TRIM66: variants seen among roughly 807,000 people sequenced by gnomAD.
TRIM66 encodes tripartite motif containing 66, also known as tripartite motif-containing protein 66.
In TRIM66, 99 loss-of-function variants were observed where a neutral mutation model predicts 148.2. The observed-to-expected ratio is 0.67, with a 90% CI of 0.57 to 0.79. TRIM66 has a LOEUF of 0.79. Ranked by LOEUF, TRIM66 falls within the 30% of genes least tolerant of loss-of-function variation. The pLI, the probability that TRIM66 is intolerant of heterozygous loss-of-function variation, is 0.00. For missense variants in TRIM66, 1,666 were observed against 1,697.9 expected (o/e 0.98, Z 0.33); for synonymous variants, 616 against 635.9 (o/e 0.97, Z 0.47).
At chr11:8,635,171 G>C (rs1465713440) in intron 15 of TRIM66, among the ~76,000 whole-genome samples, 4 of 152,164 alleles carry the variant, frequency 2.6e-5, no homozygotes, top group African/African-American at 9.7e-5. Flanking sequence ...AGCTGTCAAG[G>C]ACCCGTGGTC....
chr11:8,680,100 T>G (rs1040524826), intron 1 of TRIM66, 37 bp from the exon 2 acceptor site: 1 of 152,140 alleles, frequency 6.6e-6, no homozygotes, highest in Non-Finnish European at 1.5e-5. Flanking sequence ...GCCTTAAAGG[T>G]TGAGGAAGAT....
intron 6 of TRIM66, among the ~76,000 whole-genome samples, chr11:8,661,283 G>A (rs1021433760): frequency 6.6e-6 from 1 of 152,210 alleles, no homozygotes; most frequent in Non-Finnish European, 1.5e-5. Context: ...ATGGATGCAC[G>A]ATCCACAGCC....
Position 8,638,782 on chromosome 11 carries a change from T to C in TRIM66, c.2182A>G (p.Lys728Glu), listed in dbSNP as rs1475086823. The C allele has an allele frequency of 3.2e-6, 5 of 1,551,316 alleles. No homozygotes were observed. The highest frequency in any genetic ancestry group is 1.2e-5 in the South Asian group (1 of 84,046). Reference protein sequence around the residue: ...TDEPPASQGSKPALPLDKNTA... With the variant: ...TDEPPASQGSEPALPLDKNTA... ...TTCTTGTCAAGAGGGAGAGCCGGCT[T>C]TGAGCCCTGAGATGCTGGGGGCTCA... is the stretch of plus-strand genomic sequence containing the variant. The change falls in exon 15 of 25, where the codon AAG (lysine) becomes GAG (glutamate). Residue 728 changes from lysine (K) to glutamate (E), a missense_variant. Transcript: ENST00000646038.
rs2036106794 is a variant in TRIM66, at chr11:8,638,687, G to A, written c.2277C>T (p.Thr759=). The A allele has an allele frequency of 1.3e-6, 2 of 1,549,356 alleles. No homozygotes were observed. The highest frequency in any genetic ancestry group is 1.7e-6 in the Non-Finnish European group (2 of 1,146,196). ...CCACATTTGGAGAGGAGTGCTGGAT[G>A]GTGCTGTCCACTGGGGGGACACTGA... The part of the protein sequence containing the change: ...TPLSVPPVDS[T]IQHSSPNVVR... Residue 759 remains threonine, a synonymous_variant, in exon 15 of 25, where the codon ACC becomes ACT. Transcript: ENST00000646038.
intron 12 of TRIM66, among the ~76,000 whole-genome samples, 153 bp from the exon 13 acceptor site, chr11:8,643,279 C>A (rs1262657836): frequency 6.6e-6 from 1 of 151,994 alleles, no homozygotes; most frequent in African/African-American, 2.4e-5. Context: ...CACCTTAGCA[C>A]CTGTCCATCC....
At chr11:8,639,695 A>G (rs768288427) in intron 14 of TRIM66, among the ~76,000 whole-genome samples, 1 of 152,246 alleles carries the variant, frequency 6.6e-6, no homozygotes, top group Non-Finnish European at 1.5e-5. Flanking sequence ...GATAAATGAT[A>G]TGGTGCATAT....
chr11:8,641,619 C>T (rs111948629), intron 13 of TRIM66, among the ~76,000 whole-genome samples: 16 of 152,152 alleles, frequency 1.1e-4, no homozygotes, highest in Admixed American at 7.2e-4. Context: ...GCAAGTAGGA[C>T]GGAAGAGAGT....
intron 6 of TRIM66, among the ~76,000 whole-genome samples, chr11:8,666,095 G>A (rs192429279): frequency 0.013 from 2,023 of 152,176 alleles, 13 homozygotes; most frequent in Non-Finnish European, 0.02. Flanking sequence ...CTGGTACTTT[G>A]GGAGGCCGAG....
At chr11:8,673,664 A>G (rs114733189) in intron 4 of TRIM66, among the ~76,000 whole-genome samples, 1,756 of 152,378 alleles carry the variant, frequency 0.012, 37 homozygotes, top group African/African-American at 0.04. Flanking sequence ...TTAGTTTAGA[A>G]AAACATCACA....
chr11:8,620,802 C>T (rs1227296214), intron 20 of TRIM66, among the ~76,000 whole-genome samples: 1 of 152,192 alleles, frequency 6.6e-6, no homozygotes, highest in Non-Finnish European at 1.5e-5. Context: ...AATCCACATG[C>T]AAGAAGAAGG....
chr11:8,642,122 G>A (rs2036449298), intron 13 of TRIM66, among the ~76,000 whole-genome samples: 1 of 152,180 alleles, frequency 6.6e-6, no homozygotes, highest in African/African-American at 2.4e-5. Flanking sequence ...TTGTGCACAA[G>A]TAGATCTATG....
At chr11:8,644,339 G>T in intron 12 of TRIM66, 1 of 427,366 alleles carries the variant, frequency 2.3e-6, no homozygotes, top group Non-Finnish European at 4.6e-6. Flanking sequence ...TTCTTTTCTT[G>T]TCATCTTTCT....
At chr11:8,668,055 C>T (rs1410705448) in intron 6 of TRIM66, among the ~76,000 whole-genome samples, 1 of 152,204 alleles carries the variant, frequency 6.6e-6, no homozygotes, top group Non-Finnish European at 1.5e-5. Flanking sequence ...AATTTCTCTA[C>T]ATTCTTGTCA....
chr11:8,657,825 T>C (rs1301060929), intron 6 of TRIM66, among the ~76,000 whole-genome samples: 1 of 152,184 alleles, frequency 6.6e-6, no homozygotes, highest in Non-Finnish European at 1.5e-5. Context: ...ACCCAGACCC[T>C]GCTAGAAAGA....
intron 12 of TRIM66, among the ~76,000 whole-genome samples, chr11:8,645,308 C>T (rs1336367318): frequency 1.3e-5 from 2 of 152,206 alleles, no homozygotes; most frequent in Non-Finnish European, 1.5e-5. Flanking sequence ...CTTGCTCCCT[C>T]TCCTGGGTGC....
intron 24 of TRIM66, 176 bp downstream of exon 24, chr11:8,618,574 T>C: frequency 3.2e-6 from 2 of 620,510 alleles, no homozygotes; most frequent in Non-Finnish European, 5.6e-6. Context: ...GTAACTGGCA[T>C]TGATGGGCCC....
Position 8,671,820 on chromosome 11 carries a change from C to T in TRIM66, c.306G>A (p.Gly102=). 6.6e-7 allele frequency: 1 copy of T among 1,513,868 alleles called. No homozygotes were observed. Among genetic ancestry groups the T allele is most frequent in the Non-Finnish European group, 8.9e-7 (1 of 1,126,630 alleles). The allele number at this position is 1,513,868 out of a possible 1,614,324, so 93.8% of individuals were successfully genotyped here. A position where few individuals can be genotyped will look rare whatever the true frequency, so the allele number is the denominator to read the frequency against. The change falls in exon 6 of 25, where the codon GGG becomes GGA. Residue 102 remains glycine (G), a synonymous_variant. Transcript: ENST00000646038. The part of the protein sequence containing the change: ...DCFQGLIQEL[G]QIAKAHETVA... ...CAGTCTCATGAGCCTTGGCAATCTG[C>T]CCTAGCTCCTGTATCAAGCCCTGGA...
chr11:8,667,329 A>G (rs2038664653), intron 6 of TRIM66, among the ~76,000 whole-genome samples: 1 of 152,236 alleles, frequency 6.6e-6, no homozygotes, highest in Non-Finnish European at 1.5e-5. Flanking sequence ...AGCACAGACA[A>G]CAACAACAAA....
rs2033832713 is a variant in TRIM66, at chr11:8,617,998, A to G, written c.4125T>C (p.Asn1375=). 6.4e-7 allele frequency: 1 copy of G among 1,551,692 alleles called. No homozygotes were observed. The highest frequency in any genetic ancestry group is 2.4e-5 in the East Asian group (1 of 40,926). Residue 1375 remains asparagine, a synonymous_variant, in exon 25 of 25, where the codon AAT becomes AAC. Coordinates refer to ENST00000646038, the MANE Select transcript of TRIM66 (RefSeq NM_001388022.1). ...QPKRRRRHME[N]ERAKRMSFRL... Reference sequence around the variant, plus strand: ...GAAATGACATTCTTTTTGCTCTTTCATTCTCCTGAAAGAAAAATATATATT... The same window carrying G: ...GAAATGACATTCTTTTTGCTCTTTCGTTCTCCTGAAAGAAAAATATATATT...
Sources: gnomAD v4.1 joint callset for allele counts (sites outside exome capture counted in the v4.1 genomes callset) on GRCh38, gnomAD v4.1.1 for gene constraint, MANE v1.5 for transcripts, NCBI Gene and HGNC (gene_info 2026-07-23, HGNC 2026-07-21) for gene names.